NCAPH: variants seen among roughly 807,000 people sequenced by gnomAD.
NCAPH encodes the protein condensin complex subunit 2.
In NCAPH, 38 loss-of-function variants were observed where a neutral mutation model predicts 85.5. That is an observed-to-expected ratio of 0.44 (90% CI 0.34 to 0.58). NCAPH has a LOEUF of 0.58. Among genes scored for constraint, NCAPH ranks in the 20% least tolerant of loss-of-function variants. The pLI is 0.01. For missense variants in NCAPH, 789 were observed against 916.6 expected (o/e 0.86, Z 1.80); for synonymous variants, 301 against 335.1 (o/e 0.90, Z 1.11).
At chr2:96,371,796 A>G (rs2064777794) in intron 17 of NCAPH, among the ~76,000 whole-genome samples, 1 of 152,182 alleles carries the variant, frequency 6.6e-6, no homozygotes, top group African/African-American at 2.4e-5. Context: ...AGCCACCAAG[A>G]GAAATATTCT....
rs1179142865 is a variant in NCAPH at position 96,373,612 on chromosome 2, T to G, written c.*261T>G. The G allele has an allele frequency of 8.6e-6, 3 of 350,014 alleles. No individual in the cohort carries two copies. The highest frequency in any genetic ancestry group is 6.3e-5 in the African/African-American group (3 of 47,978). 21.7% of individuals were successfully genotyped at this position (350,014 alleles called of 1,614,324 possible). A position where few individuals can be genotyped will look rare whatever the true frequency, so the allele number is the denominator to read the frequency against. ...GGGAGGGCAGAGGGGGTGAGGGTAC[T>G]ATTCTGGATTGAGAAAACCTATATC... On this transcript the variant is annotated 3_prime_UTR_variant, in exon 18 of 18. Transcript: ENST00000240423.
chr2:96,353,145 T>C (rs1394015224), intron 7 of NCAPH, among the ~76,000 whole-genome samples, 161 bp from the exon 8 acceptor site: 2 of 152,260 alleles, frequency 1.3e-5, no homozygotes, highest in Non-Finnish European at 2.9e-5. Flanking sequence ...GGACACAGAC[T>C]GGCAGCTAGC....
chr2:96,372,083 G>A (rs184626388), intron 17 of NCAPH, among the ~76,000 whole-genome samples: 8 of 152,378 alleles, frequency 5.3e-5, no homozygotes, highest in Admixed American at 3.9e-4. Context: ...GCGAGTGACT[G>A]TTGAGCCCTG....
At chr2:96,354,770 G>A (rs995746588) in intron 9 of NCAPH, among the ~76,000 whole-genome samples, 5 of 152,138 alleles carry the variant, frequency 3.3e-5, no homozygotes, top group African/African-American at 7.2e-5. Flanking sequence ...TTTGAATGTC[G>A]GCTTAGCCAC....
At chr2:96,335,928 G>C in intron 1 of NCAPH, 80 bp downstream of exon 1, 1 of 1,364,602 alleles carries the variant, frequency 7.3e-7, no homozygotes, top group Middle Eastern at 2.6e-4. Context: ...TGGCGGGCTG[G>C]CCTGGGCGGG....
chr2:96,345,109 A>G (rs1325489742), intron 6 of NCAPH, among the ~76,000 whole-genome samples: 1 of 152,230 alleles, frequency 6.6e-6, no homozygotes, highest in Non-Finnish European at 1.5e-5. Context: ...CTTTTCCCCA[A>G]TCTTAGGAGT....
In NCAPH at chr2:96,366,062, C is replaced by T. The variant is rs762809126; in HGVS notation, c.1881+4C>T. 3.2e-5 allele frequency: 52 copies of T among 1,613,358 alleles called. No individual in the cohort carries two copies. The highest frequency in any genetic ancestry group is 1.6e-4 in the Middle Eastern group (1 of 6,082). ...CTTGGTAGCTGAGCCTCAGAAGGTA[C>T]GGATGAAACAGCTGAGAATTACATT... On this transcript the variant is annotated splice_donor_region_variant and intron_variant, in intron 14 of 17. Transcript: ENST00000240423.
rs1015688295 is a variant in NCAPH at position 96,375,265 on chromosome 2, C to A, written c.*1914C>A. 6.6e-6 allele frequency among the ~76,000 whole-genome samples: 1 copy of A among 151,844 alleles called. No homozygotes were observed. Among genetic ancestry groups the A allele is most frequent in the Admixed American group, 6.6e-5 (1 of 15,264 alleles). On this transcript the variant is annotated 3_prime_UTR_variant, in exon 18 of 18. Transcript: ENST00000240423. ...CCAACTTCTACAATGAAATCCCCTT[C>A]CCCCCACAACCCTGCTTCTCCTAAG...
In NCAPH at chr2:96,376,747, C is replaced by T. The variant is rs139185558; in HGVS notation, c.*3396C>T. 4.9e-4 allele frequency among the ~76,000 whole-genome samples: 75 copies of T among 152,216 alleles called. No homozygotes were observed. The East Asian group carries it at 0.013, about 27-fold the overall frequency. ...GCTGCTCAGCACTGAGGCAGCAAGC[C>T]ATGATCTAGGTCTTCGAGTAGAATT... On this transcript the variant is annotated 3_prime_UTR_variant, in exon 18 of 18. Coordinates refer to ENST00000240423, the MANE Select transcript of NCAPH (RefSeq NM_015341.5).
At chr2:96,352,678 A>G (rs1376065981) in intron 7 of NCAPH, among the ~76,000 whole-genome samples, 1 of 152,162 alleles carries the variant, frequency 6.6e-6, no homozygotes, top group South Asian at 2.1e-4. Flanking sequence ...TTTCCAATGC[A>G]GTGTTCGTAC....
At chr2:96,336,818 G>A (rs1396628781) in intron 1 of NCAPH, among the ~76,000 whole-genome samples, 1 of 152,216 alleles carries the variant, frequency 6.6e-6, no homozygotes, top group Non-Finnish European at 1.5e-5. Flanking sequence ...ACACTAGGAA[G>A]GCCCTGCACA....
At chr2:96,367,429 A>G in intron 15 of NCAPH, 56 bp downstream of exon 15, 1 of 1,320,242 alleles carries the variant, frequency 7.6e-7, no homozygotes, top group Non-Finnish European at 1.1e-6. Flanking sequence ...GGAGTGGTTG[A>G]TGTCTACAGC....
At chr2:96,338,417 C>A (rs555932445) in intron 1 of NCAPH, among the ~76,000 whole-genome samples, 1 of 152,280 alleles carries the variant, frequency 6.6e-6, no homozygotes, top group African/African-American at 2.4e-5. Context: ...CATTGTTCAG[C>A]AAATTTTACC....
Position 96,374,414 on chromosome 2 carries a change from C to A in NCAPH, c.*1063C>A, listed in dbSNP as rs2104518473. On this transcript the variant is annotated 3_prime_UTR_variant, in exon 18 of 18. Coordinates refer to ENST00000240423, the MANE Select transcript of NCAPH (RefSeq NM_015341.5). ...GGAATAGGGGAATTAACTTTGCTTG[C>A]AATTTGGAACAATATTATAGATGTT... 1.3e-5 allele frequency among the ~76,000 whole-genome samples: 2 copies of A among 152,278 alleles called. No homozygotes were observed. Among genetic ancestry groups the A allele is most frequent in the Middle Eastern group, 3.4e-3 (1 of 294 alleles).
At chr2:96,360,080 G>C (rs1330137500) in intron 10 of NCAPH, 63 bp from the exon 11 acceptor site, 1 of 945,602 alleles carries the variant, frequency 1.1e-6, no homozygotes, top group Non-Finnish European at 1.7e-6. Flanking sequence ...AGCAGATCTT[G>C]TGAAATGAGT....
At chr2:96,345,314 A>G (rs1002006888) in intron 6 of NCAPH, among the ~76,000 whole-genome samples, 1 of 152,088 alleles carries the variant, frequency 6.6e-6, no homozygotes, top group Non-Finnish European at 1.5e-5. Context: ...GGCTGGTGCT[A>G]GTGTCCCTGA....
rs546784463 is a variant in NCAPH, at chr2:96,348,251, G to A, written c.721-3580G>A. Among the ~76,000 whole-genome samples, 624 of 147,254 alleles carry A rather than the reference G, an allele frequency of 4.2e-3. 5 individuals are homozygous for A. Among genetic ancestry groups the A allele is most frequent in the African/African-American group, 0.015 (588 of 39,706 alleles). On this transcript the variant is annotated intron_variant, in intron 6 of 17. Transcript: ENST00000240423. ...GTCGCCCAGGCTGGAGTGCAGTGGCGCTATCTCAGCTCACTGCAAGCTCCA... is the reference window on the plus strand; with the variant it reads ...GTCGCCCAGGCTGGAGTGCAGTGGCACTATCTCAGCTCACTGCAAGCTCCA...
chr2:96,336,135 C>T lies in NCAPH; in HGVS notation c.19+287C>T, dbSNP rs945628101. On this transcript the variant is annotated intron_variant, in intron 1 of 17. Coordinates refer to ENST00000240423, the MANE Select transcript of NCAPH (RefSeq NM_015341.5). ...CCCGGGCGGGCGGTGGGGCGGCCTC[C>T]TCCTTGGGCTCCTAAAGCGTGCTCG... 1.1e-4 allele frequency among the ~76,000 whole-genome samples: 17 copies of T among 152,304 alleles called. 3 individuals are homozygous for T. The highest frequency in any genetic ancestry group is 2.0e-4 in the Admixed American group (3 of 15,300).
chr2:96,358,309 T>C (rs990778332), intron 9 of NCAPH, among the ~76,000 whole-genome samples: 1 of 152,198 alleles, frequency 6.6e-6, no homozygotes, highest in African/African-American at 2.4e-5. Flanking sequence ...TAGCGGTATC[T>C]TTTGGAGCCC....
Sources: allele counts gnomAD v4.1 joint callset (sites outside exome capture counted in the v4.1 genomes callset), GRCh38; gene constraint gnomAD v4.1.1; transcripts MANE v1.5; gene names NCBI Gene and HGNC (gene_info 2026-07-23, HGNC 2026-07-21).